Variants in FMN1 observed in about 807,000 individuals in gnomAD.
The protein encoded by FMN1 is formin-1.
FMN1 carries 110 observed loss-of-function variants against 132.4 expected under a neutral mutation model. The ratio of observed to expected loss-of-function variants is 0.83; its 90% CI spans 0.71 to 0.97. FMN1 has a LOEUF of 0.97. FMN1 is among the 50% of genes least tolerant of loss of function. The pLI is 0.00. For synonymous variants in FMN1, 722 were observed against 651.7 expected, an observed-to-expected ratio of 1.11 and a Z score of -1.64; for missense variants, 1,792 against 1,705.3, an observed-to-expected ratio of 1.05 and a Z score of -0.90.
chr15:33,018,935 G>C (rs543052156), intron 6 of FMN1, among the ~76,000 whole-genome samples: 1 of 152,182 alleles, frequency 6.6e-6, no homozygotes, highest in East Asian at 1.9e-4. Context: ...GACCTTCCTG[G>C]TGAGTGTTAC....
chr15:32,830,644 A>G (rs1298129065), intron 17 of FMN1, among the ~76,000 whole-genome samples: 2 of 152,314 alleles, frequency 1.3e-5, no homozygotes, highest in African/African-American at 4.8e-5. Flanking sequence ...CAGCTAAGTA[A>G]TTTCTCAAAT....
At chr15:33,147,207 CA>C (rs1964261879) in intron 4 of FMN1, among the ~76,000 whole-genome samples, 1 of 151,422 alleles carries the variant, frequency 6.6e-6, no homozygotes, top group Non-Finnish European at 1.5e-5. Flanking sequence ...CATACGCTTT[CA>C]ATATTCAGTA....
chr15:33,194,240 C>G (rs1389306141), intron 1 of FMN1, among the ~76,000 whole-genome samples, 180 bp from the exon 2 acceptor site: 1 of 127,564 alleles, frequency 7.8e-6, no homozygotes, highest in Non-Finnish European at 1.6e-5. Context: ...CCGTCCCCCG[C>G]CCTCCCGCCC....
chr15:32,930,390 A>G (rs1288172045), intron 9 of FMN1, among the ~76,000 whole-genome samples: 2 of 151,892 alleles, frequency 1.3e-5, no homozygotes, highest in African/African-American at 4.8e-5. Flanking sequence ...CTACATCCTC[A>G]AAAAAACTTG....
At position 32,888,260 on chromosome 15, in the gene FMN1, C is replaced by G. The variant is rs754118314; in HGVS notation, c.3747G>C (p.Leu1249Phe). 1 of 1,612,630 alleles carries G rather than the reference C, an allele frequency of 6.2e-7. No homozygotes were observed. Among genetic ancestry groups the G allele is most frequent in the Non-Finnish European group, 8.5e-7 (1 of 1,179,282 alleles). Reference sequence around the variant, plus strand: ...CCAGAAAGAAATCCTGTGGTTCCGGCAAGGGGAAAACACTCTTTTCTGTTC... The same window carrying G: ...CCAGAAAGAAATCCTGTGGTTCCGGGAAGGGGAAAACACTCTTTTCTGTTC... ...EAGTEKSVFP[L>F]PEPQDFFLAS... The change falls in exon 16 of 21, where the codon TTG (leucine) becomes TTC (phenylalanine). Residue 1249 changes from leucine (L) to phenylalanine (F), a missense_variant. By Grantham distance (22) the Leu-to-Phe change is conservative (BLOSUM62 0). Around this residue, in one of 3 missense-constraint regions of FMN1, gnomAD observed 1,150 missense variants for 1,043.1 expected, o/e 1.10. Transcript: ENST00000616417.
intron 16 of FMN1, among the ~76,000 whole-genome samples, chr15:32,873,402 C>T (rs2059562204): frequency 6.6e-6 from 1 of 152,204 alleles, no homozygotes; most frequent in African/African-American, 2.4e-5. Context: ...GGGAAGCCTC[C>T]AGACACTGAT....
At chr15:33,070,859 GTTATTA>G (rs767490030) in intron 5 of FMN1, among the ~76,000 whole-genome samples, 1 of 152,140 alleles carries the variant, frequency 6.6e-6, no homozygotes, top group Non-Finnish European at 1.5e-5. Flanking sequence ...ATTATGAGTT[GTTATTA>G]TTATTATTCT....
At chr15:32,893,407 A>G (rs76423485) in intron 15 of FMN1, among the ~76,000 whole-genome samples, 7,814 of 150,316 alleles carry the variant, frequency 0.052, 297 homozygotes, top group Non-Finnish European at 0.08. Flanking sequence ...CGCTAGAAAA[A>G]AGGAAATGTT....
chr15:32,823,738 A>C (rs2058295068), intron 17 of FMN1, among the ~76,000 whole-genome samples: 1 of 152,224 alleles, frequency 6.6e-6, no homozygotes, highest in South Asian at 2.1e-4. Context: ...TTAAAATACC[A>C]ATTTTAAAGG....
chr15:32,940,115 A>G (rs2061367530), intron 9 of FMN1, among the ~76,000 whole-genome samples: 1 of 152,182 alleles, frequency 6.6e-6, no homozygotes, highest in South Asian at 2.1e-4. Context: ...ACAAAAACTG[A>G]GAACTATAGC....
intron 6 of FMN1, among the ~76,000 whole-genome samples, chr15:33,047,511 G>C (rs993890959): frequency 2.6e-5 from 4 of 152,144 alleles, no homozygotes; most frequent in Non-Finnish European, 4.4e-5. Context: ...GGGACACCTT[G>C]GGAAAAGCAG....
intron 10 of FMN1, among the ~76,000 whole-genome samples, chr15:32,921,343 G>A (rs2060816683): frequency 6.6e-6 from 1 of 152,200 alleles, no homozygotes. Context: ...GCCTCTGTAA[G>A]AAATCAAAGA....
chr15:32,973,845 A>G (rs1456635247), intron 7 of FMN1, among the ~76,000 whole-genome samples: 1 of 152,168 alleles, frequency 6.6e-6, no homozygotes, highest in Non-Finnish European at 1.5e-5. Context: ...CACTATTTTT[A>G]ATTTTATTTC....
chr15:32,888,347 T>G, intron 15 of FMN1, 55 bp from the exon 16 acceptor site: 1 of 1,482,466 alleles, frequency 6.7e-7, no homozygotes, highest in Non-Finnish European at 9.0e-7. Context: ...CACTTTCAGT[T>G]GAAATTCCAA....
In FMN1 at chr15:33,139,668, C is replaced by A. The variant is rs114886483; in HGVS notation, c.1867+13380G>T. On this transcript the variant is annotated intron_variant, in intron 4 of 20. Coordinates refer to ENST00000616417, the MANE Select transcript of FMN1 (RefSeq NM_001277313.2). ...TGTCACTAAAGATCCAAATAAGCTT[C>A]GTGTTCCCTTTAAATTGGTAGTAGG... 6.9e-3 allele frequency among the ~76,000 whole-genome samples: 1,049 copies of A among 152,282 alleles called. 15 individuals are homozygous for A. Among genetic ancestry groups the A allele is most frequent in the African/African-American group, 0.024 (994 of 41,570 alleles).
intron 6 of FMN1, among the ~76,000 whole-genome samples, chr15:33,017,149 A>C (rs2035098509): frequency 6.6e-6 from 1 of 151,608 alleles, no homozygotes; most frequent in African/African-American, 2.4e-5. Flanking sequence ...AAAAAAAAAA[A>C]AGTGGTTGCC....
At chr15:33,042,026 A>T (rs1348856311) in intron 6 of FMN1, among the ~76,000 whole-genome samples, 1 of 141,282 alleles carries the variant, frequency 7.1e-6, no homozygotes, top group Non-Finnish European at 1.6e-5. Context: ...AATTGTCATG[A>T]TGTCTACCTA....
At chr15:32,879,102 A>G (rs2059702804) in intron 16 of FMN1, among the ~76,000 whole-genome samples, 1 of 152,202 alleles carries the variant, frequency 6.6e-6, no homozygotes, top group African/African-American at 2.4e-5. Flanking sequence ...CACCATGCTC[A>G]ATTAATTGAA....
intron 5 of FMN1, among the ~76,000 whole-genome samples, chr15:33,077,527 A>G (rs1242896416): frequency 6.6e-6 from 1 of 151,388 alleles, no homozygotes; most frequent in Non-Finnish European, 1.5e-5. Context: ...CCCTGACTCC[A>G]CAACAGGCCC....
Sources: allele counts gnomAD v4.1 joint callset (sites outside exome capture counted in the v4.1 genomes callset), GRCh38; gene constraint gnomAD v4.1.1; regional missense constraint gnomAD v4.1.1; transcripts MANE v1.5; gene names NCBI Gene and HGNC (gene_info 2026-07-23, HGNC 2026-07-21).